The following ADGRB3 variants were observed in gnomAD, a reference collection of about 807,000 sequenced individuals.
ADGRB3 encodes the protein brain-specific angiogenesis inhibitor 3.
ADGRB3 carries 37 observed loss-of-function variants against 193.4 expected under a neutral mutation model. That is an observed-to-expected ratio of 0.19 (90% CI 0.15 to 0.25). The LOEUF (loss-of-function observed/expected upper bound fraction) is 0.25. Ranked by LOEUF, ADGRB3 falls within the 10% of genes least tolerant of loss-of-function variation. ADGRB3 has a pLI of 1.00. For missense variants in ADGRB3, 1,637 were observed against 1,852.9 expected, an observed-to-expected ratio of 0.88 and a Z score of 2.14; for synonymous variants, 690 against 644.2, an observed-to-expected ratio of 1.07 and a Z score of -1.08.
intron 3 of ADGRB3, among the ~76,000 whole-genome samples, chr6:68,645,351 A>T (rs1768183787): frequency 6.6e-6 from 1 of 152,108 alleles, no homozygotes; most frequent in Non-Finnish European, 1.5e-5. Context: ...GTATGAAAAA[A>T]ATTAATAAAA....
intron 16 of ADGRB3, among the ~76,000 whole-genome samples, chr6:69,067,027 T>C (rs934654909): frequency 1.3e-5 from 2 of 152,162 alleles, no homozygotes; most frequent in African/African-American, 4.8e-5. Context: ...AAATGCATTT[T>C]AGTTATCTCA....
At chr6:69,366,703 C>T (rs753850017) in intron 29 of ADGRB3, among the ~76,000 whole-genome samples, 5 of 152,076 alleles carry the variant, frequency 3.3e-5, no homozygotes, top group Non-Finnish European at 7.4e-5. Context: ...TAATGGTTTT[C>T]GTTGTGTGTT....
chr6:69,289,847 G>A (rs1277855830), intron 20 of ADGRB3, among the ~76,000 whole-genome samples: 3 of 151,572 alleles, frequency 2.0e-5, no homozygotes, highest in Non-Finnish European at 4.4e-5. Flanking sequence ...CTCGTTTGCC[G>A]CCATATCACA....
chr6:69,298,789 A>G (rs1048866849), intron 20 of ADGRB3, among the ~76,000 whole-genome samples: 2 of 151,934 alleles, frequency 1.3e-5, no homozygotes, highest in African/African-American at 4.8e-5. Context: ...CCATTGATGG[A>G]TACTTAGGTT....
chr6:68,887,897 G>A (rs147449782), intron 3 of ADGRB3, among the ~76,000 whole-genome samples: 97 of 152,166 alleles, frequency 6.4e-4, no homozygotes, highest in East Asian at 3.5e-3. Flanking sequence ...TTCCAAGTTC[G>A]TTATGAACAA....
intron 13 of ADGRB3, among the ~76,000 whole-genome samples, chr6:69,044,675 G>A (rs551266210): frequency 1.3e-3 from 200 of 152,300 alleles, no homozygotes; most frequent in African/African-American, 4.7e-3. Flanking sequence ...TTGCAAAATG[G>A]AAGTGCAGCT....
intron 3 of ADGRB3, among the ~76,000 whole-genome samples, chr6:68,819,515 G>T (rs1046305120): frequency 6.6e-6 from 1 of 151,470 alleles, no homozygotes; most frequent in Non-Finnish European, 1.5e-5. Context: ...AATTGAGTAC[G>T]ATTGATACCT....
At chr6:68,851,416 A>G (rs1768400242) in intron 3 of ADGRB3, among the ~76,000 whole-genome samples, 1 of 151,846 alleles carries the variant, frequency 6.6e-6, no homozygotes, top group African/African-American at 2.4e-5. Flanking sequence ...TAATACTATG[A>G]AGATATTTTA....
intron 15 of ADGRB3, among the ~76,000 whole-genome samples, chr6:69,060,823 A>C (rs1644381956): frequency 6.6e-6 from 1 of 152,052 alleles, no homozygotes. Flanking sequence ...TGACAGGTGG[A>C]TATTTCCCCT....
intron 15 of ADGRB3, among the ~76,000 whole-genome samples, chr6:69,059,565 T>C (rs1771659359): frequency 6.6e-6 from 1 of 152,144 alleles, no homozygotes; most frequent in Non-Finnish European, 1.5e-5. Flanking sequence ...ATAATTTTAT[T>C]ATTTGAGTCA....
chr6:69,272,139 A>G (rs1174180120), intron 20 of ADGRB3, among the ~76,000 whole-genome samples: 4 of 152,226 alleles, frequency 2.6e-5, no homozygotes, highest in African/African-American at 9.6e-5. Context: ...CTCCTGGACA[A>G]TTGATAGGCA....
chr6:68,962,438 A>G (rs892359202), intron 8 of ADGRB3, among the ~76,000 whole-genome samples: 2 of 152,158 alleles, frequency 1.3e-5, no homozygotes, highest in African/African-American at 2.4e-5. Flanking sequence ...GGAGATAATT[A>G]TTGTCATAAT....
chr6:69,040,374 T>TTTCTTTCTTTCC lies in ADGRB3; in HGVS notation c.2108-7808_2108-7807insTTTCTTTCCTTC, dbSNP rs1413146590. Among the ~76,000 whole-genome samples the TTTCTTTCTTTCC allele has an allele frequency of 7.2e-4, 37 of 51,476 alleles. 1 individual carries two copies. Among genetic ancestry groups the TTTCTTTCTTTCC allele is most frequent in the East Asian group, 2.3e-3 (2 of 862 alleles). The allele number at this position is 51,476 out of a possible 152,430, so 33.8% of individuals were successfully genotyped here. ...CTTTCTTTCTTTCTTTCTTTCTTTC[T>TTTCTTTCTTTCC]TTCCTTCTCTCTCTTTCTTTCCTTC... On this transcript the variant is annotated intron_variant, in intron 13 of 31. Transcript: ENST00000370598.
chr6:68,636,443 G>GATAAATAAATAAATAA (rs79779792), intron 1 of ADGRB3, among the ~76,000 whole-genome samples: 8 of 145,146 alleles, frequency 5.5e-5, no homozygotes, highest in Non-Finnish European at 9.0e-5. Flanking sequence ...CTCAGCAAGA[G>GATAAATAAATAAATAA]ATAAATAAAT....
At chr6:69,231,617 T>C (rs1766142172) in intron 17 of ADGRB3, among the ~76,000 whole-genome samples, 1 of 152,216 alleles carries the variant, frequency 6.6e-6, no homozygotes, top group Non-Finnish European at 1.5e-5. Flanking sequence ...GCTGCTACAG[T>C]TAGGGAGAAT....
intron 3 of ADGRB3, among the ~76,000 whole-genome samples, chr6:68,774,693 T>TA (rs1273362709): frequency 2.0e-5 from 3 of 152,062 alleles, no homozygotes; most frequent in African/African-American, 7.2e-5. Flanking sequence ...TATTTGTTTC[T>TA]AAAAAACATC....
intron 17 of ADGRB3, among the ~76,000 whole-genome samples, chr6:69,094,144 G>C (rs1001797527): frequency 3.9e-5 from 6 of 152,282 alleles, no homozygotes; most frequent in African/African-American, 1.4e-4. Context: ...GAAACCAACA[G>C]ACTTTGGTGG....
intron 23 of ADGRB3, chr6:69,332,045 C>A (rs541743595): frequency 1.0e-5 from 10 of 985,226 alleles, no homozygotes; most frequent in Non-Finnish European, 1.2e-5. Context: ...AGGGTTACAC[C>A]AAGATTGGAA....
At chr6:68,983,679 G>T (rs1447551053) in intron 10 of ADGRB3, among the ~76,000 whole-genome samples, 2 of 151,906 alleles carry the variant, frequency 1.3e-5, no homozygotes, top group African/African-American at 4.8e-5. Flanking sequence ...AGGACCTGGA[G>T]AAGCAACTTG....
Sources: allele counts gnomAD v4.1 joint callset (sites outside exome capture counted in the v4.1 genomes callset), GRCh38; gene constraint gnomAD v4.1.1; transcripts MANE v1.5; gene names NCBI Gene and HGNC (gene_info 2026-07-23, HGNC 2026-07-21).